ARPP21: variants seen among roughly 807,000 people sequenced by gnomAD.
The protein encoded by ARPP21 is cAMP regulated phosphoprotein 21.
Under a neutral mutation model 113.2 loss-of-function variants are expected in ARPP21, and 69 were observed. The ratio of observed to expected loss-of-function variants is 0.61; its 90% CI spans 0.50 to 0.74. ARPP21 has a LOEUF of 0.74. Among genes scored for constraint, ARPP21 ranks in the 30% least tolerant of loss-of-function variants. ARPP21 has a pLI of 0.00. For missense variants in ARPP21, 1,070 were observed against 1,037.4 expected, an observed-to-expected ratio of 1.03 and a Z score of -0.43; for synonymous variants, 368 against 375.5, an observed-to-expected ratio of 0.98 and a Z score of 0.23.
At chr3:35,723,153 A>G (rs1003117931) in intron 14 of ARPP21, among the ~76,000 whole-genome samples, 1 of 152,068 alleles carries the variant, frequency 6.6e-6, no homozygotes, top group Non-Finnish European at 1.5e-5. Context: ...TGAAGAATGG[A>G]GAACCCCAGT....
At chr3:35,711,994 A>C (rs2091259816) in intron 11 of ARPP21, among the ~76,000 whole-genome samples, 1 of 152,180 alleles carries the variant, frequency 6.6e-6, no homozygotes, top group Non-Finnish European at 1.5e-5. Context: ...TGAATATCAA[A>C]AGGCAGGGAT....
chr3:35,775,939 T>C (rs906526033), intron 19 of ARPP21, among the ~76,000 whole-genome samples: 10 of 152,270 alleles, frequency 6.6e-5, no homozygotes, highest in Admixed American at 1.3e-4. Context: ...TTTAAATGCA[T>C]AAAGTGTAAT....
At chr3:35,721,537 G>A (rs2093070739) in intron 13 of ARPP21, 68 bp from the exon 14 acceptor site, 2 of 902,054 alleles carry the variant, frequency 2.2e-6, no homozygotes, top group East Asian at 2.5e-5. Context: ...GCCTTGCTCT[G>A]TGCCTACCAA....
At chr3:35,758,294 G>A (rs1399418556) in intron 19 of ARPP21, among the ~76,000 whole-genome samples, 4 of 151,802 alleles carry the variant, frequency 2.6e-5, no homozygotes, top group East Asian at 1.9e-4. Context: ...GGGGGCGGGG[G>A]AACTAAAGCT....
intron 1 of ARPP21, among the ~76,000 whole-genome samples, chr3:35,669,253 G>A (rs1318990813): frequency 6.6e-6 from 1 of 151,926 alleles, no homozygotes; most frequent in Non-Finnish European, 1.5e-5. Context: ...CTTTATTAAG[G>A]AGACTACTCA....
intron 14 of ARPP21, among the ~76,000 whole-genome samples, chr3:35,724,289 C>T (rs2093359063): frequency 6.6e-6 from 1 of 152,182 alleles, no homozygotes; most frequent in Non-Finnish European, 1.5e-5. Flanking sequence ...TTACCGAAAG[C>T]ACTTGAATGA....
intron 1 of ARPP21, among the ~76,000 whole-genome samples, chr3:35,666,591 C>T (rs942502852): frequency 6.6e-6 from 1 of 152,042 alleles, no homozygotes; most frequent in African/African-American, 2.4e-5. Context: ...ACATTAATTT[C>T]AAACATACAT....
intron 16 of ARPP21, 86 bp downstream of exon 16, chr3:35,737,448 A>G: frequency 3.4e-6 from 3 of 894,996 alleles, no homozygotes; most frequent in Non-Finnish European, 4.9e-6. Context: ...ATCAGGGAGA[A>G]GCGTATATTT....
intron 18 of ARPP21, among the ~76,000 whole-genome samples, chr3:35,742,253 A>C (rs1231405488): frequency 6.6e-6 from 1 of 152,244 alleles, no homozygotes; most frequent in Non-Finnish European, 1.5e-5. Flanking sequence ...CCTAAAAGAC[A>C]TGTAAATATA....
At chr3:35,747,627 G>A (rs1210423917) in intron 19 of ARPP21, among the ~76,000 whole-genome samples, 3 of 151,890 alleles carry the variant, frequency 2.0e-5, no homozygotes, top group Admixed American at 1.3e-4. Context: ...ATAGGTGCAC[G>A]GCCTCATTAG....
intron 1 of ARPP21, among the ~76,000 whole-genome samples, chr3:35,666,872 G>A (rs1217152033): frequency 3.3e-5 from 5 of 152,252 alleles, no homozygotes; most frequent in South Asian, 4.1e-4. Flanking sequence ...GGAAAGGTTA[G>A]AATAAACATG....
At chr3:35,700,945 C>T (rs1329544122) in intron 9 of ARPP21, among the ~76,000 whole-genome samples, 1 of 151,548 alleles carries the variant, frequency 6.6e-6, no homozygotes, top group Admixed American at 6.6e-5. Flanking sequence ...TTGATGGGTA[C>T]AGCAAGCCAA....
At chr3:35,719,873 A>G (rs2092880328) in intron 13 of ARPP21, among the ~76,000 whole-genome samples, 1 of 152,242 alleles carries the variant, frequency 6.6e-6, no homozygotes, top group Non-Finnish European at 1.5e-5. Context: ...ACTTTGTAAA[A>G]CATAGTTTAA....
At chr3:35,782,903 CT>C (rs1384540290) in intron 19 of ARPP21, among the ~76,000 whole-genome samples, 3 of 152,112 alleles carry the variant, frequency 2.0e-5, no homozygotes, top group Non-Finnish European at 4.4e-5. Flanking sequence ...CAAAGGAATT[CT>C]TTTTCTTCCT....
chr3:35,743,485 G>A (rs926116306), intron 18 of ARPP21, among the ~76,000 whole-genome samples: 1 of 152,152 alleles, frequency 6.6e-6, no homozygotes, highest in East Asian at 1.9e-4. Context: ...TCCCCACATG[G>A]CCTTTTTCTG....
At chr3:35,644,796 G>A (rs1699555920) in intron 1 of ARPP21, among the ~76,000 whole-genome samples, 1 of 151,838 alleles carries the variant, frequency 6.6e-6, no homozygotes, top group African/African-American at 2.4e-5. Context: ...GAATTGCCAG[G>A]TGGAGAGAAT....
At chr3:35,698,494 C>G (rs1242867170) in intron 9 of ARPP21, among the ~76,000 whole-genome samples, 1 of 151,434 alleles carries the variant, frequency 6.6e-6, no homozygotes, top group East Asian at 1.9e-4. Flanking sequence ...ATAATTTTAT[C>G]TATTTATTTA....
intron 19 of ARPP21, among the ~76,000 whole-genome samples, chr3:35,765,199 A>T (rs2095920922): frequency 6.6e-6 from 1 of 152,112 alleles, no homozygotes; most frequent in African/African-American, 2.4e-5. Flanking sequence ...TGTTACCTTA[A>T]ATATCCTGAG....
chr3:35,755,310 T>A (rs972710521), intron 19 of ARPP21, among the ~76,000 whole-genome samples: 1 of 152,008 alleles, frequency 6.6e-6, no homozygotes, highest in South Asian at 2.1e-4. Flanking sequence ...TTTCATTGTC[T>A]CCACCACCTT....
Sources: allele counts gnomAD v4.1 joint callset (sites outside exome capture counted in the v4.1 genomes callset), GRCh38; gene constraint gnomAD v4.1.1; transcripts MANE v1.5; gene names NCBI Gene and HGNC (gene_info 2026-07-23, HGNC 2026-07-21).